SPECC1: variants seen among roughly 807,000 people sequenced by gnomAD.
SPECC1 encodes sperm antigen with calponin homology and coiled-coil domains 1, also known as cytospin-B.
SPECC1 carries 62 observed loss-of-function variants against 104.1 expected under a neutral mutation model. The observed-to-expected ratio is 0.60, with a 90% CI of 0.49 to 0.74. The LOEUF (loss-of-function observed/expected upper bound fraction) is 0.74. SPECC1 is among the 30% of genes least tolerant of loss of function. The pLI, the probability that SPECC1 is intolerant of heterozygous loss-of-function variation, is 0.00. For synonymous variants in SPECC1, 513 were observed against 501.6 expected (o/e 1.02, Z -0.30); for missense variants, 1,306 against 1,310.5 (o/e 1.00, Z 0.05).
chr17:20,085,813 C>T (rs535306432), intron 1 of SPECC1, among the ~76,000 whole-genome samples: 8 of 152,322 alleles, frequency 5.3e-5, no homozygotes, highest in Middle Eastern at 3.4e-3. Flanking sequence ...GCTGCATGTG[C>T]GAGTGGATGG....
chr17:20,077,798 T>C (rs890846928), intron 1 of SPECC1, among the ~76,000 whole-genome samples: 5 of 151,942 alleles, frequency 3.3e-5, no homozygotes, highest in African/African-American at 1.2e-4. Context: ...AGAGAATGAG[T>C]TGTGTGGAGT....
intron 3 of SPECC1, among the ~76,000 whole-genome samples, chr17:20,198,683 A>G (rs2036203174): frequency 6.6e-6 from 1 of 152,216 alleles, no homozygotes; most frequent in African/African-American, 2.4e-5. Flanking sequence ...TCTATCCCTC[A>G]TAAGTTGGAC....
chr17:20,093,019 G>T (rs1049193342), intron 1 of SPECC1, among the ~76,000 whole-genome samples: 61 of 152,218 alleles, frequency 4.0e-4, no homozygotes, highest in African/African-American at 1.4e-3. Context: ...TAAACTCTGA[G>T]ATTTGGGCAA....
chr17:20,195,325 C>T (rs2035957064), intron 3 of SPECC1, among the ~76,000 whole-genome samples: 2 of 152,116 alleles, frequency 1.3e-5, no homozygotes, highest in Middle Eastern at 3.4e-3. Context: ...AATTTTGTTA[C>T]TTCTGTGATA....
chr17:20,298,208 T>C (rs1036479541), intron 13 of SPECC1, among the ~76,000 whole-genome samples: 1 of 151,920 alleles, frequency 6.6e-6, no homozygotes, highest in Non-Finnish European at 1.5e-5. Flanking sequence ...AAAAATTAGC[T>C]GGGCATGGTG....
At chr17:20,172,308 T>C (rs2034150084) in intron 3 of SPECC1, among the ~76,000 whole-genome samples, 1 of 152,236 alleles carries the variant, frequency 6.6e-6, no homozygotes, top group African/African-American at 2.4e-5. Context: ...AAGGCCCAGT[T>C]TGCACAGGAT....
Position 20,318,439 on chromosome 17 carries a change from G to A in SPECC1, c.*4374G>A, listed in dbSNP as rs928975506. ...CCAACCCAAGTAGATGCAGGTGGGT[G>A]TTAGATAAAAACACACATCCCCAGG... On this transcript the variant is annotated 3_prime_UTR_variant, in exon 15 of 15. Coordinates refer to ENST00000395527, the MANE Select transcript of SPECC1 (RefSeq NM_001243439.2). 3.9e-5 allele frequency: 9 copies of A among 231,452 alleles called. No homozygotes were observed. The highest frequency in any genetic ancestry group is 6.8e-5 in the Non-Finnish European group (8 of 117,018). The allele number at this position is 231,452 out of a possible 1,614,324, so 14.3% of individuals were successfully genotyped here. A position where few individuals can be genotyped will look rare whatever the true frequency, so the allele number is the denominator to read the frequency against.
At chr17:20,171,861 G>A (rs1209832205) in intron 3 of SPECC1, among the ~76,000 whole-genome samples, 1 of 152,158 alleles carries the variant, frequency 6.6e-6, no homozygotes, top group African/African-American at 2.4e-5. Context: ...CCATGGTCAT[G>A]TGCTTGCCAG....
intron 3 of SPECC1, among the ~76,000 whole-genome samples, chr17:20,153,035 A>C (rs2032155834): frequency 6.6e-6 from 1 of 152,108 alleles, no homozygotes; most frequent in Non-Finnish European, 1.5e-5. Flanking sequence ...TTTAACCTTA[A>C]TTACCTCCTA....
chr17:20,124,070 G>A (rs1427050942), intron 3 of SPECC1, among the ~76,000 whole-genome samples: 2 of 152,170 alleles, frequency 1.3e-5, no homozygotes, highest in Admixed American at 1.3e-4. Flanking sequence ...GAGGCCGGAA[G>A]GTGGGTGGGT....
intron 1 of SPECC1, among the ~76,000 whole-genome samples, chr17:20,079,752 G>T (rs867217903): frequency 5.3e-5 from 8 of 152,134 alleles, no homozygotes; most frequent in African/African-American, 1.2e-4. Context: ...CCTACGCATG[G>T]GTTGGGGAGG....
At chr17:20,263,360 G>A (rs910878202) in intron 12 of SPECC1, among the ~76,000 whole-genome samples, 7 of 142,604 alleles carry the variant, frequency 4.9e-5, no homozygotes, top group African/African-American at 1.8e-4. Flanking sequence ...CACACACGGG[G>A]GCCTGTTGTG....
rs757215226 is a variant in SPECC1, at chr17:20,204,675, G to A, written c.626G>A (p.Gly209Asp). ...TLNAEGTDAL[G>D]PNVDGTSVSP... Reference sequence around the variant, plus strand: ...AACGCTGAGGGGACTGATGCTTTGGGCCCAAATGTCGATGGAACATCAGTC... The same window carrying A: ...AACGCTGAGGGGACTGATGCTTTGGACCCAAATGTCGATGGAACATCAGTC... The change falls in exon 4 of 15, where the codon GGC becomes GAC. Residue 209 changes from glycine (G) to aspartate (D), a missense_variant. By Grantham distance (94) the Gly-to-Asp change is moderately conservative (BLOSUM62 -1). Coordinates refer to ENST00000395527, the MANE Select transcript of SPECC1 (RefSeq NM_001243439.2). The A allele has an allele frequency of 2.5e-6, 4 of 1,613,782 alleles. No individual in the cohort carries two copies. The highest frequency in any genetic ancestry group is 2.2e-5 in the South Asian group (2 of 91,056).
Position 20,147,163 on chromosome 17 carries a change from C to T in SPECC1, c.283+36601C>T, listed in dbSNP as rs540982536. Among the ~76,000 whole-genome samples the T allele has an allele frequency of 5.0e-3, 750 of 151,154 alleles. 11 individuals carry two copies. Among genetic ancestry groups the T allele is most frequent in the Non-Finnish European group, 4.1e-3 (278 of 67,856 alleles). ...CTTGGCTCACCGCAGGCTCCGCCTC[C>T]TGGGTTCAAGTGATTCTCCTGCCTC... On this transcript the variant is annotated intron_variant, in intron 3 of 14. Coordinates refer to ENST00000395527, the MANE Select transcript of SPECC1 (RefSeq NM_001243439.2).
chr17:20,021,702 A>ATTTTTTTT (rs1187795523), intron 1 of SPECC1, among the ~76,000 whole-genome samples: 2 of 139,272 alleles, frequency 1.4e-5, no homozygotes, highest in African/African-American at 5.3e-5. Context: ...ATATATATAT[A>ATTTTTTTT]TTTTTTTGTA....
Position 20,278,908 on chromosome 17 carries a change from A to T in SPECC1, c.2941-18053A>T, listed in dbSNP as rs577939921. 3.3e-4 allele frequency among the ~76,000 whole-genome samples: 50 copies of T among 152,330 alleles called. No individual in the cohort carries two copies. The South Asian group carries it at 9.3e-3, about 28-fold the overall frequency. On this transcript the variant is annotated intron_variant, in intron 12 of 14. Transcript: ENST00000395527. Reference sequence around the variant, plus strand: ...AAATAAAATGTTATAAGAATGTGTCATCCTCCTGGGGACTGAGGGTGATTT... The same window carrying T: ...AAATAAAATGTTATAAGAATGTGTCTTCCTCCTGGGGACTGAGGGTGATTT...
Position 20,299,564 on chromosome 17 carries a change from AAAAAAAAAAAAAAAAG to A in SPECC1, c.3057+2492_3057+2507del, listed in dbSNP as rs1391725095. 2.9e-4 allele frequency among the ~76,000 whole-genome samples: 39 copies of A among 136,054 alleles called. No homozygotes were observed. The East Asian group carries it at 4.1e-3, about 14-fold the overall frequency. The allele number at this position is 136,054 out of a possible 152,430, so 89.3% of individuals were successfully genotyped here. A position where few individuals can be genotyped will look rare whatever the true frequency, so the allele number is the denominator to read the frequency against. On this transcript the variant is annotated intron_variant, in intron 13 of 14. Transcript: ENST00000395527. ...GACAGAGACCCTGTCTCAAAAAAAA[AAAAAAAAAAAAAAAAG>A]AAAAGAAAAAAAACCTTCACAGAAA...
At chr17:20,302,878 T>TAC (rs2041635418) in intron 13 of SPECC1, among the ~76,000 whole-genome samples, 2 of 61,872 alleles carry the variant, frequency 3.2e-5, no homozygotes, top group Non-Finnish European at 5.9e-5. Flanking sequence ...TGAGCCCATC[T>TAC]AAAAAAAAAA....
intron 14 of SPECC1, among the ~76,000 whole-genome samples, chr17:20,306,713 G>A (rs1255081175): frequency 6.6e-6 from 1 of 152,240 alleles, no homozygotes; most frequent in African/African-American, 2.4e-5. Flanking sequence ...TGCAAGGAAA[G>A]GAAACAGGGC....
Sources: allele counts gnomAD v4.1 joint callset (sites outside exome capture counted in the v4.1 genomes callset), GRCh38; gene constraint gnomAD v4.1.1; transcripts MANE v1.5; gene names NCBI Gene and HGNC (gene_info 2026-07-23, HGNC 2026-07-21).